ACYP2: variants seen among roughly 807,000 people sequenced by gnomAD.
ACYP2 encodes acylphosphatase-2.
In ACYP2, 12 loss-of-function variants were observed where a neutral mutation model predicts 11.2. The ratio of observed to expected loss-of-function variants is 1.08; its 90% CI spans 0.69 to 1.74. The LOEUF is 1.74. Ranked by LOEUF, ACYP2 falls within the 40% of genes most tolerant of loss-of-function variation. ACYP2 has a pLI of 0.00. For synonymous variants in ACYP2, 43 were observed against 32.2 expected (o/e 1.33, Z -1.13); for missense variants, 134 against 101.9 (o/e 1.31, Z -1.35).
Position 54,046,273 on chromosome 2 carries a change from G to A in ACYP2, c.63-4685G>A, listed in dbSNP as rs182387625. ...GCGGGTGCATTACTTGAGGTCAGGA[G>A]TTCGAGACCAGCCTGGCCAACATGG... On this transcript the variant is annotated intron_variant, in intron 2 of 6. Transcript: ENST00000607452. Among the ~76,000 whole-genome samples the A allele has an allele frequency of 2.3e-3, 354 of 151,288 alleles. No individual in the cohort carries two copies. In the Middle Eastern group the frequency reaches 0.031, roughly 13 times the overall value.
At chr2:54,282,044 T>G (rs892859356) in intron 6 of ACYP2, among the ~76,000 whole-genome samples, 1 of 152,348 alleles carries the variant, frequency 6.6e-6, no homozygotes, top group Admixed American at 6.5e-5. Flanking sequence ...TTGCTATTTA[T>G]TTCATATGTT....
chr2:54,132,551 G>A (rs1347034842), intron 4 of ACYP2, among the ~76,000 whole-genome samples: 2 of 151,948 alleles, frequency 1.3e-5, no homozygotes, highest in African/African-American at 4.8e-5. Flanking sequence ...AAATATCTAA[G>A]CTACTGATGC....
intron 6 of ACYP2, among the ~76,000 whole-genome samples, chr2:54,295,814 G>T (rs1689497647): frequency 6.6e-6 from 1 of 151,686 alleles, no homozygotes; most frequent in South Asian, 2.1e-4. Flanking sequence ...AGGCTGGAGT[G>T]CAGTGGCGCG....
At chr2:54,240,867 A>T (rs1407989337) in intron 6 of ACYP2, among the ~76,000 whole-genome samples, 1 of 152,222 alleles carries the variant, frequency 6.6e-6, no homozygotes, top group Admixed American at 6.5e-5. Flanking sequence ...TTCACCTTTG[A>T]CACATAATCC....
intron 6 of ACYP2, among the ~76,000 whole-genome samples, chr2:54,288,979 C>T (rs1042832106): frequency 2.0e-5 from 3 of 152,102 alleles, no homozygotes; most frequent in Admixed American, 2.0e-4. Flanking sequence ...TAATTCTATT[C>T]AAAGCCTCAT....
chr2:54,182,392 A>T lies in ACYP2; in HGVS notation c.404+43644A>T, dbSNP rs978515102. 1.1e-4 allele frequency among the ~76,000 whole-genome samples: 16 copies of T among 152,128 alleles called. No individual in the cohort carries two copies. The South Asian group carries it at 1.5e-3, about 14-fold the overall frequency. ...AGTCTCACTCTGTTGCCCGGGCGGG[A>T]ATACGGTTGCACAATCATGGTTCAC... On this transcript the variant is annotated intron_variant, in intron 6 of 6. Transcript: ENST00000607452.
At position 54,198,965 on chromosome 2, in the gene ACYP2, G is replaced by A. The variant is rs943896481; in HGVS notation, c.404+60217G>A. ...AAGATGGGCAAGGAAAAGGAGCTCT[G>A]GGTTGCCCTATGATTCCCTTTCCTT... On this transcript the variant is annotated intron_variant, in intron 6 of 6. Coordinates refer to ENST00000607452, the MANE Select transcript of ACYP2 (RefSeq NM_001320586.2). 2.0e-5 allele frequency among the ~76,000 whole-genome samples: 3 copies of A among 152,182 alleles called. 1 individual carries two copies. Among genetic ancestry groups the A allele is most frequent in the Admixed American group, 2.0e-4 (3 of 15,274 alleles).
Position 54,304,697 on chromosome 2 carries a change from G to A in ACYP2, c.414G>A (p.Trp138Ter), listed in dbSNP as rs756553691. Residue 138 changes from tryptophan to a stop codon, truncating the protein, a stop_gained, in exon 7 of 7, where the codon TGG becomes TGA. Coordinates refer to ENST00000607452, the MANE Select transcript of ACYP2 (RefSeq NM_001320586.2). LOFTEE classifies it high-confidence loss of function. ...ATCTGTTTTTTTATAGGAAGTCCTG[G>A]CTGAGCAAGGTTGGAAGCCCTAGTT... The A allele has an allele frequency of 1.9e-6, 3 of 1,607,790 alleles. No individual in the cohort carries two copies. Among genetic ancestry groups the A allele is most frequent in the Non-Finnish European group, 2.5e-6 (3 of 1,177,248 alleles).
At chr2:54,081,672 A>G (rs946369895) in intron 4 of ACYP2, among the ~76,000 whole-genome samples, 4 of 152,220 alleles carry the variant, frequency 2.6e-5, no homozygotes, top group African/African-American at 9.6e-5. Flanking sequence ...TAACTGATGC[A>G]TGACTCTACA....
chr2:54,253,062 A>G (rs377435633), intron 6 of ACYP2: 3 of 152,334 alleles, frequency 2.0e-5, no homozygotes, highest in African/African-American at 4.8e-5. Flanking sequence ...AAAATACAAA[A>G]ATTAGCCAGG....
At chr2:54,001,646 G>A (rs1366906512) in intron 2 of ACYP2, among the ~76,000 whole-genome samples, 3 of 152,072 alleles carry the variant, frequency 2.0e-5, no homozygotes, top group South Asian at 2.1e-4. Flanking sequence ...CACTCACCTC[G>A]GCCTTCCAAA....
At chr2:54,152,875 GC>G (rs1449873380) in intron 6 of ACYP2, among the ~76,000 whole-genome samples, 1 of 152,016 alleles carries the variant, frequency 6.6e-6, no homozygotes, top group Non-Finnish European at 1.5e-5. Flanking sequence ...TGTTGCCCAG[GC>G]TGGTCTCAAA....
chr2:54,201,630 T>TTC (rs1459478696), intron 6 of ACYP2, among the ~76,000 whole-genome samples: 1,046 of 90,364 alleles, frequency 0.012, 25 homozygotes, highest in East Asian at 0.043. Context: ...CTTTGTTTCT[T>TTC]TCTTTCTCTT....
chr2:53,999,853 T>G (rs1040099264), intron 2 of ACYP2, among the ~76,000 whole-genome samples: 2 of 152,096 alleles, frequency 1.3e-5, no homozygotes, highest in Admixed American at 1.3e-4. Flanking sequence ...AAAATTAAAG[T>G]GCAAAGATTA....
chr2:54,284,270 C>T (rs181517504), intron 6 of ACYP2, among the ~76,000 whole-genome samples: 33 of 152,354 alleles, frequency 2.2e-4, no homozygotes, highest in Non-Finnish European at 3.7e-4. Context: ...GGATGCATCA[C>T]TGATCACTGC....
At chr2:54,042,009 CTTTT>C (rs111463982) in intron 2 of ACYP2, among the ~76,000 whole-genome samples, 4 of 136,568 alleles carry the variant, frequency 2.9e-5, no homozygotes, top group African/African-American at 2.7e-5. Flanking sequence ...TTTATTCTTT[CTTTT>C]TTTTTTTTTT....
At chr2:53,976,130 C>G (rs1671472460) in intron 2 of ACYP2, among the ~76,000 whole-genome samples, 1 of 152,204 alleles carries the variant, frequency 6.6e-6, no homozygotes, top group Non-Finnish European at 1.5e-5. Flanking sequence ...TCTTGCCCAT[C>G]TTAGTTTTCT....
chr2:54,172,204 C>T (rs751741875), intron 6 of ACYP2, among the ~76,000 whole-genome samples: 3 of 152,040 alleles, frequency 2.0e-5, no homozygotes, highest in East Asian at 1.9e-4. Context: ...GGTAACAGAG[C>T]GAGACCCTGT....
intron 6 of ACYP2, among the ~76,000 whole-genome samples, chr2:54,201,411 CTTTGT>C (rs1029933916): frequency 2.2e-4 from 34 of 151,870 alleles, no homozygotes; most frequent in South Asian, 1.0e-3. Context: ...GGCTGGTTCT[CTTTGT>C]TTTAATTGTC....
Sources: allele counts gnomAD v4.1 joint callset (sites outside exome capture counted in the v4.1 genomes callset), GRCh38; gene constraint gnomAD v4.1.1; transcripts MANE v1.5; gene names NCBI Gene and HGNC (gene_info 2026-07-23, HGNC 2026-07-21).